The following ANKRD6 variants were observed in gnomAD, a reference collection of about 807,000 sequenced individuals.
ANKRD6 encodes the protein ankyrin repeat domain 6.
A neutral mutation model predicts 82.3 loss-of-function variants in ANKRD6; 56 were observed. The ratio of observed to expected loss-of-function variants is 0.68; its 90% CI spans 0.55 to 0.85. The LOEUF is 0.85. ANKRD6 is among the 40% of genes least tolerant of loss of function. The pLI, the probability that ANKRD6 is intolerant of heterozygous loss-of-function variation, is 0.00. For synonymous variants in ANKRD6, 347 were observed against 352.1 expected (o/e 0.99, Z 0.16); for missense variants, 852 against 907.6 (o/e 0.94, Z 0.79).
rs1025124996 is a variant in ANKRD6, at chr6:89,579,249, T to G, written c.120+12153T>G. On this transcript the variant is annotated intron_variant, in intron 2 of 15. Coordinates refer to ENST00000339746, the MANE Select transcript of ANKRD6 (RefSeq NM_001242809.2). Reference sequence around the variant, plus strand: ...GGATTAAATAATAGTAGCTACCTCATTAGGTTCTTTAAGCACTACCTGAAT... The same window carrying G: ...GGATTAAATAATAGTAGCTACCTCAGTAGGTTCTTTAAGCACTACCTGAAT... Among the ~76,000 whole-genome samples the G allele has an allele frequency of 3.9e-5, 6 of 152,198 alleles. 1 individual carries two copies. Among genetic ancestry groups the G allele is most frequent in the Admixed American group, 3.9e-4 (6 of 15,280 alleles).
In ANKRD6 at chr6:89,509,566, T is replaced by C. The variant is rs931714101; in HGVS notation, c.-143-57268T>C. ...CCTACTTTGTATGTATTGGATTCTG[T>C]AGAATGACAGTTCACACAGTGCCAA... On this transcript the variant is annotated intron_variant, in intron 1 of 15. Coordinates refer to ENST00000339746, the MANE Select transcript of ANKRD6 (RefSeq NM_001242809.2). Among the ~76,000 whole-genome samples the C allele has an allele frequency of 5.3e-5, 8 of 152,226 alleles. No homozygotes were observed. The South Asian group carries it at 1.7e-3, about 31-fold the overall frequency.
chr6:89,620,524 C>T (rs896898552), intron 9 of ANKRD6, among the ~76,000 whole-genome samples: 6 of 152,246 alleles, frequency 3.9e-5, no homozygotes, highest in South Asian at 2.1e-4. Flanking sequence ...AGAAATGACT[C>T]GGGGAAGTGG....
chr6:89,617,630 C>T (rs1284229883), intron 8 of ANKRD6, among the ~76,000 whole-genome samples: 1 of 152,252 alleles, frequency 6.6e-6, no homozygotes, highest in Non-Finnish European at 1.5e-5. Context: ...TACGTTCCCT[C>T]CCCTCTTTGC....
At chr6:89,435,039 T>TCTCCCACTTAAACTCATCAGC in intron 1 of ANKRD6, among the ~76,000 whole-genome samples, 1 of 152,122 alleles carries the variant, frequency 6.6e-6, no homozygotes, top group East Asian at 1.9e-4. Context: ...TTAATCTTAG[T>TCTCCCACTTAAACTCATCAGC]CTCCCACTTA....
intron 1 of ANKRD6, among the ~76,000 whole-genome samples, chr6:89,522,145 T>G (rs1052282405): frequency 6.6e-6 from 1 of 152,174 alleles, no homozygotes; most frequent in Non-Finnish European, 1.5e-5. Context: ...ATGAGACTTA[T>G]CAGGGGGGAA....
At chr6:89,492,617 T>C (rs1008915969) in intron 1 of ANKRD6, among the ~76,000 whole-genome samples, 1 of 152,224 alleles carries the variant, frequency 6.6e-6, no homozygotes, top group African/African-American at 2.4e-5. Flanking sequence ...TAAACAGATA[T>C]ATTTTTGTGG....
At chr6:89,489,590 C>T (rs1014013563) in intron 1 of ANKRD6, among the ~76,000 whole-genome samples, 1 of 152,204 alleles carries the variant, frequency 6.6e-6, no homozygotes, top group African/African-American at 2.4e-5. Context: ...TCCAGATCAA[C>T]ATAAAAACAT....
At chr6:89,592,053 C>T (rs1795019317) in intron 2 of ANKRD6, among the ~76,000 whole-genome samples, 2 of 152,154 alleles carry the variant, frequency 1.3e-5, no homozygotes, top group Non-Finnish European at 2.9e-5. Context: ...GTGAAGAATG[C>T]CCTTCCAAGA....
At chr6:89,501,061 G>A (rs960921112) in intron 1 of ANKRD6, among the ~76,000 whole-genome samples, 2 of 150,516 alleles carry the variant, frequency 1.3e-5, no homozygotes, top group Non-Finnish European at 1.5e-5. Context: ...TCATCAAGAC[G>A]GGGCTTGCAC....
At chr6:89,516,395 A>C (rs1335778103) in intron 1 of ANKRD6, among the ~76,000 whole-genome samples, 1 of 152,154 alleles carries the variant, frequency 6.6e-6, no homozygotes. Context: ...CTGAGACTCA[A>C]ATTTACACCA....
At chr6:89,605,300 T>G (rs1360208754) in intron 4 of ANKRD6, among the ~76,000 whole-genome samples, 1 of 152,182 alleles carries the variant, frequency 6.6e-6, no homozygotes, top group Non-Finnish European at 1.5e-5. Context: ...GAGAATCGCT[T>G]GAACTCTGGA....
chr6:89,547,825 C>A (rs1356470375), intron 1 of ANKRD6, among the ~76,000 whole-genome samples: 1 of 152,156 alleles, frequency 6.6e-6, no homozygotes. Flanking sequence ...TGTTAATGGG[C>A]ATTTCCTATG....
Position 89,629,098 on chromosome 6 carries a change from T to G in ANKRD6, c.1486-14T>G. ...TCTATGTACTTATTTGTGGGGTTTG[T>G]TTTTTTTTTTAAGATATCCTTGGTG... On this transcript the variant is annotated splice_polypyrimidine_tract_variant and intron_variant, in intron 14 of 15. Coordinates refer to ENST00000339746, the MANE Select transcript of ANKRD6 (RefSeq NM_001242809.2). 1 of 1,226,360 alleles carries G rather than the reference T, an allele frequency of 8.2e-7. No homozygotes were observed. The highest frequency in any genetic ancestry group is 1.1e-6 in the Non-Finnish European group (1 of 901,530). 76.0% of individuals were successfully genotyped at this position (1,226,360 alleles called of 1,614,324 possible).
chr6:89,479,327 T>G (rs1241416343), intron 1 of ANKRD6, among the ~76,000 whole-genome samples: 2 of 152,204 alleles, frequency 1.3e-5, no homozygotes, highest in East Asian at 1.9e-4. Context: ...AAATGAGAAC[T>G]TCCCTGTGTT....
At chr6:89,535,366 C>T (rs1046099671) in intron 1 of ANKRD6, among the ~76,000 whole-genome samples, 5 of 152,204 alleles carry the variant, frequency 3.3e-5, no homozygotes, top group African/African-American at 1.2e-4. Flanking sequence ...TGAAACTCTA[C>T]TACCATAGTC....
chr6:89,532,163 A>G (rs1218647810), intron 1 of ANKRD6, among the ~76,000 whole-genome samples: 1 of 152,168 alleles, frequency 6.6e-6, no homozygotes, highest in East Asian at 1.9e-4. Context: ...CGGTCTATCA[A>G]TTTAAATATT....
chr6:89,609,160 A>G (rs369187028), intron 5 of ANKRD6, among the ~76,000 whole-genome samples: 1 of 152,184 alleles, frequency 6.6e-6, no homozygotes. Flanking sequence ...TCCCTCATGG[A>G]TCAAAAGCTT....
intron 3 of ANKRD6, among the ~76,000 whole-genome samples, chr6:89,596,470 A>C (rs1301705904): frequency 5.3e-5 from 8 of 152,214 alleles, no homozygotes. Flanking sequence ...TCTCTTGGTC[A>C]GTGAATATGA....
intron 1 of ANKRD6, among the ~76,000 whole-genome samples, chr6:89,539,380 G>A (rs1043502584): frequency 3.9e-5 from 6 of 152,022 alleles, no homozygotes; most frequent in African/African-American, 4.8e-5. Context: ...CCCAAGTAGT[G>A]TTGTCCTTAA....
Sources: allele counts gnomAD v4.1 joint callset (sites outside exome capture counted in the v4.1 genomes callset), GRCh38; gene constraint gnomAD v4.1.1; transcripts MANE v1.5; gene names NCBI Gene and HGNC (gene_info 2026-07-23, HGNC 2026-07-21).